Variants in STXBP5L observed in about 807,000 individuals in gnomAD.
The protein encoded by STXBP5L is syntaxin-binding protein 5-like.
STXBP5L carries 65 observed loss-of-function variants against 144.5 expected under a neutral mutation model. That is an observed-to-expected ratio of 0.45 (90% CI 0.37 to 0.55). STXBP5L has a LOEUF of 0.55. Among genes scored for constraint, STXBP5L ranks in the 20% least tolerant of loss-of-function variants. The pLI is 0.00. For missense variants in STXBP5L, 1,298 were observed against 1,405.5 expected (o/e 0.92, Z 1.22); for synonymous variants, 505 against 469.6 (o/e 1.08, Z -0.97).
chr3:121,060,421 G>T (rs563457154), intron 5 of STXBP5L, among the ~76,000 whole-genome samples: 7 of 152,260 alleles, frequency 4.6e-5, no homozygotes, highest in Admixed American at 3.9e-4. Flanking sequence ...AGGGATATTG[G>T]CCTGAAATTT....
chr3:120,963,573 T>C (rs555141788), intron 3 of STXBP5L, among the ~76,000 whole-genome samples: 2 of 152,308 alleles, frequency 1.3e-5, no homozygotes, highest in South Asian at 4.1e-4. Flanking sequence ...ATGGATTATG[T>C]TTATTGATTT....
intron 3 of STXBP5L, among the ~76,000 whole-genome samples, chr3:120,967,603 A>G (rs192046989): frequency 1.4e-4 from 22 of 152,146 alleles, no homozygotes; most frequent in African/African-American, 2.4e-4. Context: ...TTATATCTTT[A>G]TACTCTAATG....
chr3:121,297,202 A>ATGTG (rs71133526), intron 19 of STXBP5L, among the ~76,000 whole-genome samples: 17,388 of 148,142 alleles, frequency 0.12, 1,059 homozygotes, highest in Admixed American at 0.15. Flanking sequence ...TCTACATTAT[A>ATGTG]TGTGTGTGTG....
intron 9 of STXBP5L, among the ~76,000 whole-genome samples, chr3:121,203,862 G>T (rs536185477): frequency 6.6e-6 from 1 of 152,226 alleles, no homozygotes; most frequent in East Asian, 1.9e-4. Context: ...CTCTCCCCTG[G>T]CTGTGTCACT....
chr3:121,137,671 GAC>G (rs1384867235), intron 7 of STXBP5L, among the ~76,000 whole-genome samples: 3 of 152,006 alleles, frequency 2.0e-5, no homozygotes, highest in Non-Finnish European at 4.4e-5. Flanking sequence ...CAGAATGAAG[GAC>G]AAAAACCATA....
intron 3 of STXBP5L, among the ~76,000 whole-genome samples, chr3:120,989,529 T>C (rs1942628039): frequency 1.3e-5 from 2 of 152,312 alleles, no homozygotes; most frequent in Middle Eastern, 6.8e-3. Context: ...AGATTCTGCA[T>C]GTGACTTAAC....
intron 18 of STXBP5L, among the ~76,000 whole-genome samples, chr3:121,277,935 C>G (rs992522173): frequency 6.6e-6 from 1 of 151,940 alleles, no homozygotes; most frequent in Non-Finnish European, 1.5e-5. Context: ...TTTGGTGGCT[C>G]TTTTATAGGT....
At chr3:121,303,296 A>G (rs1449149832) in intron 19 of STXBP5L, among the ~76,000 whole-genome samples, 1 of 151,796 alleles carries the variant, frequency 6.6e-6, no homozygotes, top group African/African-American at 2.4e-5. Context: ...ATCACTGGCC[A>G]TCAGAGAAAT....
intron 9 of STXBP5L, among the ~76,000 whole-genome samples, chr3:121,165,749 G>A (rs996020625): frequency 6.6e-6 from 1 of 152,040 alleles, no homozygotes; most frequent in Admixed American, 6.5e-5. Flanking sequence ...AAACAGAAGA[G>A]GTCAGGCTCC....
intron 19 of STXBP5L, among the ~76,000 whole-genome samples, chr3:121,310,348 C>T (rs949505651): frequency 5.3e-5 from 8 of 152,200 alleles, no homozygotes; most frequent in Non-Finnish European, 7.3e-5. Flanking sequence ...CAGTGGCTCA[C>T]GCCTGTACTC....
chr3:121,069,479 A>G (rs1023687486), intron 5 of STXBP5L, among the ~76,000 whole-genome samples: 5 of 151,954 alleles, frequency 3.3e-5, no homozygotes, highest in African/African-American at 9.7e-5. Flanking sequence ...GTTTGTGAAC[A>G]TAAGTTTTCG....
rs183855162 is a variant in STXBP5L, at chr3:121,301,690, G to C, written c.2111-16785G>C. ...TGATATTGGCTGTGGGTTTGTCATA[G>C]ATAGCTCTTATTATTTTGAGATATG... is the stretch of plus-strand genomic sequence containing the variant. On this transcript the variant is annotated intron_variant, in intron 19 of 26. Transcript: ENST00000471454. 3.7e-3 allele frequency among the ~76,000 whole-genome samples: 560 copies of C among 152,196 alleles called. 2 individuals carry two copies. The highest frequency in any genetic ancestry group is 0.013 in the African/African-American group (526 of 41,530).
chr3:121,386,693 T>C (rs2046433792), intron 22 of STXBP5L, among the ~76,000 whole-genome samples: 1 of 152,210 alleles, frequency 6.6e-6, no homozygotes, highest in Non-Finnish European at 1.5e-5. Context: ...CTGAGAATGA[T>C]GGTTTCCAGC....
chr3:121,271,425 T>C (rs1035910154), intron 18 of STXBP5L, among the ~76,000 whole-genome samples: 2 of 152,206 alleles, frequency 1.3e-5, no homozygotes, highest in Admixed American at 6.5e-5. Flanking sequence ...TTCTTTAGTC[T>C]ACCCCTGGAA....
At chr3:121,052,643 T>C (rs1261459787) in intron 5 of STXBP5L, among the ~76,000 whole-genome samples, 1 of 152,170 alleles carries the variant, frequency 6.6e-6, no homozygotes, top group African/African-American at 2.4e-5. Flanking sequence ...AATATCATAT[T>C]GAATGGGCAA....
At chr3:121,139,885 C>T (rs1445907816) in intron 7 of STXBP5L, among the ~76,000 whole-genome samples, 1 of 151,896 alleles carries the variant, frequency 6.6e-6, no homozygotes, top group East Asian at 1.9e-4. Flanking sequence ...AAAAAGACCA[C>T]CTACAGAATG....
intron 3 of STXBP5L, among the ~76,000 whole-genome samples, chr3:121,036,738 TG>T (rs1946777234): frequency 6.6e-6 from 1 of 151,770 alleles, no homozygotes; most frequent in Non-Finnish European, 1.5e-5. Flanking sequence ...TGATTGGTTT[TG>T]TTTTCAGTTG....
Position 121,401,382 on chromosome 3 carries a change from T to A in STXBP5L, c.2588-5861T>A, listed in dbSNP as rs1015740311. 6.6e-5 allele frequency among the ~76,000 whole-genome samples: 10 copies of A among 151,310 alleles called. No homozygotes were observed. In the East Asian group the frequency reaches 2.0e-3, roughly 30 times the overall value. ...CTAGAAATACCATTTGACCCAGCCA[T>A]CCCATTACTGGGTATATACCCAAAG... On this transcript the variant is annotated intron_variant, in intron 22 of 26. Transcript: ENST00000471454.
intron 19 of STXBP5L, among the ~76,000 whole-genome samples, chr3:121,280,364 C>A (rs1484342437): frequency 6.6e-6 from 1 of 151,800 alleles, no homozygotes; most frequent in Non-Finnish European, 1.5e-5. Flanking sequence ...AATTTTAGGT[C>A]ATTTACTACT....
Sources: gnomAD v4.1 joint callset for allele counts (sites outside exome capture counted in the v4.1 genomes callset) on GRCh38, gnomAD v4.1.1 for gene constraint, MANE v1.5 for transcripts, NCBI Gene and HGNC (gene_info 2026-07-23, HGNC 2026-07-21) for gene names.